SLC2A14: variants seen among roughly 807,000 people sequenced by gnomAD.
SLC2A14 encodes the protein solute carrier family 2, facilitated glucose transporter member 14.
In SLC2A14, 13 loss-of-function variants were observed where a neutral mutation model predicts 43.0. That is an observed-to-expected ratio of 0.30 (90% confidence interval 0.20 to 0.48). The LOEUF is 0.48. SLC2A14 is among the 20% of genes least tolerant of loss of function. The pLI is 0.99. For missense variants in SLC2A14, 428 were observed against 620.4 expected, an observed-to-expected ratio of 0.69 and a Z score of 3.29; for synonymous variants, 190 against 233.8, an observed-to-expected ratio of 0.81 and a Z score of 1.71.
At chr12:7,864,587 C>T (rs1944806712) in intron 2 of SLC2A14, among the ~76,000 whole-genome samples, 1 of 152,182 alleles carries the variant, frequency 6.6e-6, no homozygotes, top group Admixed American at 6.5e-5. Context: ...ATCCGCCGGC[C>T]TCGGCCTCCC....
intron 2 of SLC2A14, among the ~76,000 whole-genome samples, chr12:7,868,366 G>C (rs1945039135): frequency 6.6e-6 from 1 of 152,160 alleles, no homozygotes; most frequent in Admixed American, 6.5e-5. Context: ...GCACTGGGAA[G>C]CCAAAGTATT....
intron 1 of SLC2A14, among the ~76,000 whole-genome samples, chr12:7,881,391 T>C (rs4883459): frequency 0.89 from 135,669 of 151,690 alleles, 60,742 homozygotes; most frequent in Middle Eastern, 0.92. Flanking sequence ...CGGCCGGCCC[T>C]GGTGGCCCCG....
upstream of SLC2A14, among the ~76,000 whole-genome samples, chr12:7,874,688 A>G (rs111835364): frequency 0.25 from 34,447 of 136,566 alleles, 5,079 homozygotes; most frequent in Middle Eastern, 0.34. Flanking sequence ...ATATATAAAT[A>G]TATATATAAA....
chr12:7,845,505 C>T lies in SLC2A14; in HGVS notation c.19-12691G>A, dbSNP rs748376312. On this transcript the variant is annotated intron_variant, in intron 2 of 10. Transcript: ENST00000431042. ...TTAGAAATGCAAACTCAAGGCCAGG[C>T]GTGGTGGCTTACGCCTGTAATCCCA... Among the ~76,000 whole-genome samples the T allele has an allele frequency of 3.9e-5, 6 of 152,150 alleles. No individual in the cohort carries two copies. In the South Asian group the frequency reaches 8.3e-4, roughly 21 times the overall value.
intron 7 of SLC2A14, among the ~76,000 whole-genome samples, chr12:7,826,045 T>TG (rs1359394211): frequency 2.6e-5 from 4 of 151,866 alleles, no homozygotes; most frequent in Admixed American, 2.6e-4. Flanking sequence ...GGGCTACACT[T>TG]GCACGTAGCT....
At chr12:7,869,358 C>G (rs751611386) in intron 2 of SLC2A14, among the ~76,000 whole-genome samples, 3 of 152,116 alleles carry the variant, frequency 2.0e-5, no homozygotes, top group Non-Finnish European at 4.4e-5. Flanking sequence ...ATCCTACCCT[C>G]CAGCCCAATC....
At chr12:7,851,858 G>T (rs886243316) in intron 2 of SLC2A14, among the ~76,000 whole-genome samples, 1 of 152,122 alleles carries the variant, frequency 6.6e-6, no homozygotes, top group South Asian at 2.1e-4. Flanking sequence ...CAATACAAAA[G>T]AAATGCCACA....
Position 7,813,026 on chromosome 12 carries a change from G to A in SLC2A14, c.*1290C>T, listed in dbSNP as rs766955572. 5 of 151,816 alleles carry A rather than the reference G, an allele frequency of 3.3e-5. No homozygotes were observed. Among genetic ancestry groups the A allele is most frequent in the Admixed American group, 2.6e-4 (4 of 15,168 alleles). 9.4% of individuals were successfully genotyped at this position (151,816 alleles called of 1,614,324 possible). A position where few individuals can be genotyped will look rare whatever the true frequency, so the allele number is the denominator to read the frequency against. ...AGATTCAAGTCCCCTGAGGGCATTCGGCATAGGACCACAGTGACATGGTAA... is the reference window on the plus strand; with the variant it reads ...AGATTCAAGTCCCCTGAGGGCATTCAGCATAGGACCACAGTGACATGGTAA... On this transcript the variant is annotated 3_prime_UTR_variant, in exon 11 of 11. Coordinates refer to ENST00000431042, the MANE Select transcript of SLC2A14 (RefSeq NM_001286234.2).
Position 7,813,593 on chromosome 12 carries a change from C to T in SLC2A14, c.*723G>A, listed in dbSNP as rs1894824. ...ACTTTTCTGAGAAATCAAAGAGTTT[C>T]CATCTGAAGGACAGAAATTGTTAAG... On this transcript the variant is annotated 3_prime_UTR_variant, in exon 11 of 11. Transcript: ENST00000431042. The T allele has an allele frequency of 0.37, 55,476 of 151,978 alleles. 10,405 individuals are homozygous for T. The highest frequency in any genetic ancestry group is 0.43 in the Admixed American group (6,619 of 15,232). The allele number at this position is 151,978 out of a possible 1,614,324, so 9.4% of individuals were successfully genotyped here. A position where few individuals can be genotyped will look rare whatever the true frequency, so the allele number is the denominator to read the frequency against.
chr12:7,888,382 A>G (rs1470747618), intron 1 of SLC2A14, among the ~76,000 whole-genome samples: 1 of 152,184 alleles, frequency 6.6e-6, no homozygotes, highest in Non-Finnish European at 1.5e-5. Flanking sequence ...GCCCTTGTTC[A>G]TGTGCTGATC....
chr12:7,879,012 GTCTT>G (rs1945517754), intron 1 of SLC2A14, among the ~76,000 whole-genome samples: 1 of 118,540 alleles, frequency 8.4e-6, no homozygotes, highest in African/African-American at 3.0e-5. Flanking sequence ...AAAACAATTT[GTCTT>G]TCTTTTTTTT....
At chr12:7,883,590 C>CTTT (rs1204450230) in intron 1 of SLC2A14, among the ~76,000 whole-genome samples, 61 of 95,192 alleles carry the variant, frequency 6.4e-4, no homozygotes, top group East Asian at 9.4e-4. Flanking sequence ...TTTTTCTTTT[C>CTTT]TTTTTTTTTT....
chr12:7,888,383 T>C (rs893947548), intron 1 of SLC2A14, among the ~76,000 whole-genome samples: 2 of 152,280 alleles, frequency 1.3e-5, no homozygotes, highest in South Asian at 2.1e-4. Context: ...CCCTTGTTCA[T>C]GTGCTGATCA....
Position 7,815,922 on chromosome 12 carries a change from T to C in SLC2A14, c.1276-1388A>G, listed in dbSNP as rs377697444. On this transcript the variant is annotated intron_variant, in intron 10 of 10. Transcript: ENST00000431042. The stretch of plus-strand genomic sequence containing the variant: ...TTTGTTTTTGTTTTTGTTTTTGAGA[T>C]GGAGTTTTGCTCTTATTGCCCAGGC... Among the ~76,000 whole-genome samples the C allele has an allele frequency of 6.0e-3, 895 of 147,940 alleles. 13 individuals are homozygous for C. The highest frequency in any genetic ancestry group is 0.021 in the African/African-American group (859 of 40,064).
intron 5 of SLC2A14, among the ~76,000 whole-genome samples, chr12:7,829,268 A>G (rs1864786126): frequency 6.6e-6 from 1 of 152,090 alleles, no homozygotes; most frequent in African/African-American, 2.4e-5. Context: ...CATTGAAAAA[A>G]ATTTAAAAAT....
At chr12:7,845,666 C>A (rs1335913329) in intron 2 of SLC2A14, among the ~76,000 whole-genome samples, 1 of 151,044 alleles carries the variant, frequency 6.6e-6, no homozygotes, top group Non-Finnish European at 1.5e-5. Context: ...GTAGTCCCAG[C>A]TACTTGGGAG....
chr12:7,849,437 G>C (rs1866739816), intron 2 of SLC2A14, among the ~76,000 whole-genome samples: 1 of 152,044 alleles, frequency 6.6e-6, no homozygotes, highest in South Asian at 2.1e-4. Flanking sequence ...TCTGGAGGTT[G>C]AGGTTGCAGT....
upstream of SLC2A14, among the ~76,000 whole-genome samples, chr12:7,876,692 T>C (rs1001799747): frequency 6.6e-6 from 1 of 152,102 alleles, no homozygotes; most frequent in African/African-American, 2.4e-5. Context: ...GGAAACAATC[T>C]AAACGTCTGT....
intron 2 of SLC2A14, among the ~76,000 whole-genome samples, chr12:7,842,441 T>C (rs915224083): frequency 6.6e-6 from 1 of 152,236 alleles, no homozygotes; most frequent in African/African-American, 2.4e-5. Context: ...TCATCTTCAC[T>C]TGATCTTAGC....
Sources: gnomAD v4.1 joint callset for allele counts (sites outside exome capture counted in the v4.1 genomes callset) on GRCh38, gnomAD v4.1.1 for gene constraint, MANE v1.5 for transcripts, NCBI Gene and HGNC (gene_info 2026-07-23, HGNC 2026-07-21) for gene names.